The following HS3ST4 variants were observed in gnomAD, a reference collection of about 807,000 sequenced individuals.
HS3ST4 encodes the protein heparan sulfate glucosamine 3-O-sulfotransferase 4.
Under a neutral mutation model 29.2 loss-of-function variants are expected in HS3ST4, and 17 were observed. The observed-to-expected ratio is 0.58, with a 90% confidence interval of 0.40 to 0.87. HS3ST4 has a LOEUF of 0.87. HS3ST4 is among the 40% of genes least tolerant of loss of function. The pLI is 0.00. For synonymous variants in HS3ST4, 314 were observed against 285.7 expected (o/e 1.10, Z -1.00); for missense variants, 627 against 634.5 (o/e 0.99, Z 0.13).
intron 1 of HS3ST4, among the ~76,000 whole-genome samples, chr16:25,896,047 T>C (rs1968060563): frequency 6.6e-6 from 1 of 152,170 alleles, no homozygotes; most frequent in Admixed American, 6.5e-5. Flanking sequence ...CTCCACATCA[T>C]GTCCCTCTGG....
intron 1 of HS3ST4, among the ~76,000 whole-genome samples, chr16:25,722,931 C>T (rs1966507479): frequency 1.3e-5 from 2 of 152,182 alleles, no homozygotes; most frequent in Non-Finnish European, 2.9e-5. Context: ...TTAATGGACT[C>T]ACAGTTCCAC....
chr16:25,956,794 C>G (rs1323669661), intron 1 of HS3ST4, among the ~76,000 whole-genome samples: 3 of 151,852 alleles, frequency 2.0e-5, no homozygotes, highest in African/African-American at 4.8e-5. Flanking sequence ...GTCAGGAGAT[C>G]AAGACCATCC....
At chr16:26,009,254 G>A (rs1224599310) in intron 1 of HS3ST4, among the ~76,000 whole-genome samples, 2 of 152,120 alleles carry the variant, frequency 1.3e-5, no homozygotes, top group African/African-American at 4.8e-5. Flanking sequence ...TCATCTCAAA[G>A]CATTTGTCAC....
chr16:25,817,610 CGTGGCAGTT>C (rs1967107155), intron 1 of HS3ST4, among the ~76,000 whole-genome samples: 1 of 152,154 alleles, frequency 6.6e-6, no homozygotes, highest in Non-Finnish European at 1.5e-5. Context: ...GAAAGTATAA[CGTGGCAGTT>C]AAAAGCCTGA....
rs186828813 is a variant in HS3ST4 at position 25,819,628 on chromosome 16, G to C, written c.734+126477G>C. 9.2e-5 allele frequency among the ~76,000 whole-genome samples: 14 copies of C among 152,234 alleles called. No homozygotes were observed. The East Asian group carries it at 2.7e-3, about 29-fold the overall frequency. On this transcript the variant is annotated intron_variant, in intron 1 of 1. Transcript: ENST00000331351. ...GTGAAATGTCAACTCCGCTAGACAC[G>C]TCCGGGAGGAAGTGCTTTGTCATTC... is the stretch of plus-strand genomic sequence containing the variant.
At chr16:25,705,072 A>T (rs1214275721) in intron 1 of HS3ST4, among the ~76,000 whole-genome samples, 1 of 152,116 alleles carries the variant, frequency 6.6e-6, no homozygotes, top group Non-Finnish European at 1.5e-5. Context: ...CAGTTGTAGG[A>T]GATGAGCACG....
intron 1 of HS3ST4, among the ~76,000 whole-genome samples, chr16:25,877,145 C>A (rs1217195129): frequency 6.6e-6 from 1 of 151,934 alleles, no homozygotes; most frequent in African/African-American, 2.4e-5. Flanking sequence ...AGGGTAAGTT[C>A]ATGCCCTAAA....
chr16:25,705,588 C>T (rs552882850), intron 1 of HS3ST4, among the ~76,000 whole-genome samples: 1 of 152,146 alleles, frequency 6.6e-6, no homozygotes, highest in South Asian at 2.1e-4. Context: ...TTGCTTGAAC[C>T]CAGAGGCGGA....
At chr16:26,013,077 C>T (rs573439565) in intron 1 of HS3ST4, among the ~76,000 whole-genome samples, 12 of 152,122 alleles carry the variant, frequency 7.9e-5, no homozygotes, top group Admixed American at 2.6e-4. Flanking sequence ...GCAAGAGAAT[C>T]GCTTGAACTC....
intron 1 of HS3ST4, among the ~76,000 whole-genome samples, chr16:25,985,476 G>A (rs981923725): frequency 6.6e-5 from 10 of 152,046 alleles, no homozygotes; most frequent in African/African-American, 2.2e-4. Flanking sequence ...GGTGGAAGAC[G>A]GAGCTTGGGT....
At chr16:25,922,514 T>C (rs1447847188) in intron 1 of HS3ST4, among the ~76,000 whole-genome samples, 1 of 152,228 alleles carries the variant, frequency 6.6e-6, no homozygotes, top group Non-Finnish European at 1.5e-5. Flanking sequence ...GGTGTTTTGT[T>C]ATAGCAGCCT....
intron 1 of HS3ST4, among the ~76,000 whole-genome samples, chr16:25,839,106 CAT>C (rs10538798): frequency 0.11 from 16,827 of 152,134 alleles, 1,213 homozygotes; most frequent in African/African-American, 0.2. Flanking sequence ...AAGTATCTGA[CAT>C]GTGTAAATCC....
chr16:26,005,303 A>G (rs1252284298), intron 1 of HS3ST4, among the ~76,000 whole-genome samples: 1 of 152,204 alleles, frequency 6.6e-6, no homozygotes, highest in Non-Finnish European at 1.5e-5. Context: ...GCCCAATAAT[A>G]TAATGAGTTT....
At chr16:25,986,228 GT>G (rs2077270093) in intron 1 of HS3ST4, among the ~76,000 whole-genome samples, 1 of 152,154 alleles carries the variant, frequency 6.6e-6, no homozygotes, top group Non-Finnish European at 1.5e-5. Context: ...CTACTAGAAT[GT>G]GAGTTCCAGG....
chr16:26,063,541 T>C (rs1217173495), intron 1 of HS3ST4, among the ~76,000 whole-genome samples: 4 of 150,896 alleles, frequency 2.7e-5, no homozygotes, highest in Non-Finnish European at 1.5e-5. Flanking sequence ...AAAAAAACCA[T>C]TAAAAATTAG....
chr16:25,744,391 G>A (rs891548902), intron 1 of HS3ST4, among the ~76,000 whole-genome samples: 1 of 152,118 alleles, frequency 6.6e-6, no homozygotes. Context: ...TGAGAAATTC[G>A]AAGTTAATAA....
intron 1 of HS3ST4, among the ~76,000 whole-genome samples, chr16:26,041,000 C>A (rs1969632015): frequency 6.6e-6 from 1 of 152,130 alleles, no homozygotes; most frequent in Non-Finnish European, 1.5e-5. Context: ...GAAGCTAGTG[C>A]TTCTCCTTCA....
In HS3ST4 at chr16:25,692,665, C is replaced by A; in HGVS notation, c.248C>A (p.Ser83Tyr). ...AEPPPSPPPP[S>Y]LLPTPVRLGA... ...CCCCCGCCGAGCCCGCCGCCACCCTCTCTGCTGCCTACCCCCGTGCGCCTC... is the reference window on the plus strand; with the variant it reads ...CCCCCGCCGAGCCCGCCGCCACCCTATCTGCTGCCTACCCCCGTGCGCCTC... Residue 83 changes from serine to tyrosine, a missense_variant, in exon 1 of 2, where the codon TCT becomes TAT. Around this residue, in one of 2 missense-constraint regions of HS3ST4, gnomAD observed 402 missense variants for 340.8 expected, o/e 1.18. Coordinates refer to ENST00000331351, the MANE Select transcript of HS3ST4 (RefSeq NM_006040.3). 7.5e-7 allele frequency: 1 copy of A among 1,327,612 alleles called. No homozygotes were observed. The allele number at this position is 1,327,612 out of a possible 1,614,324, so 82.2% of individuals were successfully genotyped here. A position where few individuals can be genotyped will look rare whatever the true frequency, so the allele number is the denominator to read the frequency against.
intron 1 of HS3ST4, among the ~76,000 whole-genome samples, chr16:26,120,265 T>TAA (rs1899258269): frequency 6.6e-6 from 1 of 152,166 alleles, no homozygotes; most frequent in Non-Finnish European, 1.5e-5. Flanking sequence ...CTGATTGGTT[T>TAA]AAAAATCTGT....
Sources: gnomAD v4.1 joint callset for allele counts (sites outside exome capture counted in the v4.1 genomes callset) on GRCh38, gnomAD v4.1.1 for gene constraint, gnomAD v4.1.1 regional missense constraint, MANE v1.5 for transcripts, NCBI Gene and HGNC (gene_info 2026-07-23, HGNC 2026-07-21) for gene names.